ATL1: variants seen among roughly 807,000 people sequenced by gnomAD.
ATL1 encodes atlastin-1.
A neutral mutation model predicts 75.5 loss-of-function variants in ATL1; 31 were observed. That is an observed-to-expected ratio of 0.41 (90% CI 0.31 to 0.55). The LOEUF is 0.55. Ranked by LOEUF, ATL1 falls within the 20% of genes least tolerant of loss-of-function variation. The pLI, the probability that ATL1 is intolerant of heterozygous loss-of-function variation, is 0.27. For synonymous variants in ATL1, 226 were observed against 233.3 expected, an observed-to-expected ratio of 0.97 and a Z score of 0.28; for missense variants, 405 against 662.6, an observed-to-expected ratio of 0.61 and a Z score of 4.27.
chr14:50,543,034 A>G (rs1460942903), intron 1 of ATL1, among the ~76,000 whole-genome samples: 4 of 152,244 alleles, frequency 2.6e-5, no homozygotes, highest in Non-Finnish European at 5.9e-5. Flanking sequence ...TGTGAAAATA[A>G]CTGTGAACTA....
intron 1 of ATL1, among the ~76,000 whole-genome samples, chr14:50,540,202 C>A (rs1298634177): frequency 6.6e-6 from 1 of 152,150 alleles, no homozygotes; most frequent in Admixed American, 6.5e-5. Flanking sequence ...GAAGTGAAAT[C>A]AGGATGTTTT....
At chr14:50,545,056 C>T (rs1404319809) in intron 1 of ATL1, among the ~76,000 whole-genome samples, 1 of 151,884 alleles carries the variant, frequency 6.6e-6, no homozygotes, top group Non-Finnish European at 1.5e-5. Context: ...GAGCCAAGGC[C>T]ATGATGTCCA....
chr14:50,595,704 G>A (rs1385516906), intron 6 of ATL1, 72 bp downstream of exon 6: 3 of 1,365,890 alleles, frequency 2.2e-6, no homozygotes, highest in East Asian at 2.3e-5. Flanking sequence ...ATATTAATTA[G>A]GGTCATGTTT....
chr14:50,590,883 A>G, intron 2 of ATL1, 58 bp from the exon 3 acceptor site: 1 of 1,561,550 alleles, frequency 6.4e-7, no homozygotes, highest in Non-Finnish European at 8.8e-7. Flanking sequence ...GAATGAATGA[A>G]TGGAAAAAAC....
intron 8 of ATL1, among the ~76,000 whole-genome samples, chr14:50,619,156 G>T (rs1020586382): frequency 6.6e-6 from 1 of 152,120 alleles, no homozygotes; most frequent in Non-Finnish European, 1.5e-5. Context: ...GGGTTCAAGC[G>T]ATTCCCCTGC....
rs60054322 is a variant in ATL1, at chr14:50,564,647, CAAAAAAAAAAA to C, written c.34+4368_34+4378del. Reference sequence around the variant, plus strand: ...TGGGCGACAGAGCAAGATTCCGTCTCAAAAAAAAAAAAAAAAAAAAAAAAAAAAAAGAAGAA... The same window carrying C: ...TGGGCGACAGAGCAAGATTCCGTCTCAAAAAAAAAAAAAAAAAAAGAAGAA... On this transcript the variant is annotated intron_variant, in intron 1 of 13. Coordinates refer to ENST00000358385, the MANE Select transcript of ATL1 (RefSeq NM_015915.5). Among the ~76,000 whole-genome samples the C allele has an allele frequency of 2.4e-3, 97 of 40,010 alleles. 1 individual carries two copies. The highest frequency in any genetic ancestry group is 0.016 in the East Asian group (21 of 1,346). The allele number at this position is 40,010 out of a possible 152,430, so 26.2% of individuals were successfully genotyped here. A position where few individuals can be genotyped will look rare whatever the true frequency, so the allele number is the denominator to read the frequency against.
At chr14:50,572,244 G>A (rs984299722) in intron 1 of ATL1, 1 of 223,158 alleles carries the variant, frequency 4.5e-6, no homozygotes, top group African/African-American at 2.3e-5. Flanking sequence ...TTTATAAAAT[G>A]AGTAGGGGAC....
intron 1 of ATL1, among the ~76,000 whole-genome samples, chr14:50,550,913 G>T (rs1315622802): frequency 6.6e-6 from 1 of 152,078 alleles, no homozygotes; most frequent in East Asian, 1.9e-4. Context: ...AAGAGGGAAG[G>T]TCATAGCATT....
intron 1 of ATL1, among the ~76,000 whole-genome samples, chr14:50,545,754 G>A (rs1391490191): frequency 2.6e-5 from 4 of 152,124 alleles, no homozygotes; most frequent in African/African-American, 9.7e-5. Flanking sequence ...AGGGAGGAAG[G>A]GTTGGAACTC....
intron 5 of ATL1, among the ~76,000 whole-genome samples, chr14:50,594,214 C>A (rs922534670): frequency 6.6e-6 from 1 of 152,066 alleles, no homozygotes; most frequent in Non-Finnish European, 1.5e-5. Context: ...GGGAGGAGCC[C>A]CTTATAAAAC....
chr14:50,613,671 T>C (rs1243001975), intron 7 of ATL1, among the ~76,000 whole-genome samples: 1 of 152,218 alleles, frequency 6.6e-6, no homozygotes, highest in Non-Finnish European at 1.5e-5. Flanking sequence ...GAGCACAGAA[T>C]GTAAAATTAG....
intron 1 of ATL1, among the ~76,000 whole-genome samples, chr14:50,551,794 A>C (rs1349569827): frequency 6.6e-6 from 1 of 152,228 alleles, no homozygotes; most frequent in Admixed American, 6.5e-5. Context: ...CAGGAAAAGC[A>C]TTTGATAAAA....
rs373126479 is a variant in ATL1, at chr14:50,622,393, C to T, written c.1047+494C>T. Among the ~76,000 whole-genome samples, 174 of 152,106 alleles carry T rather than the reference C, an allele frequency of 1.1e-3. 2 individuals carry two copies. The South Asian group carries it at 0.033, about 29-fold the overall frequency. ...AATAAGTCAATAAATTTTGGCCGGG[C>T]GTGGTGGCTCATGCCTGTAATCCCA... On this transcript the variant is annotated intron_variant, in intron 10 of 13. Coordinates refer to ENST00000358385, the MANE Select transcript of ATL1 (RefSeq NM_015915.5).
intron 8 of ATL1, among the ~76,000 whole-genome samples, chr14:50,615,639 G>T (rs1271534865): frequency 6.6e-6 from 1 of 152,118 alleles, no homozygotes; most frequent in Non-Finnish European, 1.5e-5. Context: ...TGGATGACAG[G>T]CTCCTATAAT....
chr14:50,566,721 T>A (rs140789467), intron 1 of ATL1, among the ~76,000 whole-genome samples: 48 of 152,322 alleles, frequency 3.2e-4, no homozygotes, highest in African/African-American at 1.1e-3. Context: ...ATAAGTCCTT[T>A]GCTGATTGTC....
intron 6 of ATL1, among the ~76,000 whole-genome samples, chr14:50,601,175 T>G (rs2039268885): frequency 6.6e-6 from 1 of 152,066 alleles, no homozygotes; most frequent in African/African-American, 2.4e-5. Context: ...AACTCTGAAA[T>G]ACAGTACAAT....
intron 1 of ATL1, among the ~76,000 whole-genome samples, chr14:50,569,502 T>G (rs766745253): frequency 2.5e-4 from 38 of 152,210 alleles, no homozygotes; most frequent in Non-Finnish European, 4.3e-4. Context: ...AGTATTATTA[T>G]ATTAGCTTTT....
chr14:50,596,378 G>T (rs1405771986), intron 6 of ATL1, among the ~76,000 whole-genome samples: 1 of 151,972 alleles, frequency 6.6e-6, no homozygotes, highest in Non-Finnish European at 1.5e-5. Context: ...ACCATAAGAA[G>T]AAATAAGTAA....
intron 6 of ATL1, among the ~76,000 whole-genome samples, chr14:50,604,094 TA>T (rs5808560): frequency 0.5 from 75,367 of 151,976 alleles, 19,698 homozygotes; most frequent in East Asian, 0.74. Context: ...TACAGTTCTA[TA>T]AAAAAACTAA....
Sources: gnomAD v4.1 joint callset for allele counts (sites outside exome capture counted in the v4.1 genomes callset) on GRCh38, gnomAD v4.1.1 for gene constraint, MANE v1.5 for transcripts, NCBI Gene and HGNC (gene_info 2026-07-23, HGNC 2026-07-21) for gene names.